Variants in TXNL4A observed in about 807,000 individuals in gnomAD.
TXNL4A encodes the protein thioredoxin like 4A, also known as thioredoxin-like protein 4A.
A neutral mutation model predicts 14.6 loss-of-function variants in TXNL4A; 17 were observed. The ratio of observed to expected loss-of-function variants is 1.16; its 90% confidence interval spans 0.80 to 1.74. TXNL4A has a LOEUF of 1.74. Among genes scored for constraint, TXNL4A ranks in the 40% most tolerant of loss-of-function variants. TXNL4A has a pLI of 0.00. For synonymous variants in TXNL4A, 83 were observed against 70.6 expected, an observed-to-expected ratio of 1.18 and a Z score of -0.88; for missense variants, 74 against 195.2, an observed-to-expected ratio of 0.38 and a Z score of 3.70.
intron 1 of TXNL4A, among the ~76,000 whole-genome samples, chr18:80,015,317 GTT>G (rs2051800161): frequency 6.6e-6 from 1 of 151,118 alleles, no homozygotes; most frequent in Non-Finnish European, 1.5e-5. Context: ...GAACTTTTAT[GTT>G]CTGTTTCCCT....
chr18:79,979,916 T>C (rs1000268736), intron 1 of TXNL4A, among the ~76,000 whole-genome samples: 1 of 152,202 alleles, frequency 6.6e-6, no homozygotes, highest in Non-Finnish European at 1.5e-5. Flanking sequence ...GCCACTTACA[T>C]GTGTTATGAG....
In TXNL4A at chr18:79,971,563, C is replaced by T. The variant is rs2051301938; in HGVS notation, c.*2122G>A. The T allele has an allele frequency of 6.6e-6, 1 of 152,254 alleles. No homozygotes were observed. The highest frequency in any genetic ancestry group is 6.5e-5 in the Admixed American group (1 of 15,274). The allele number at this position is 152,254 out of a possible 1,614,324, so 9.4% of individuals were successfully genotyped here. ...CAGGCTGGTCGTGAACTCCTGGGCT[C>T]AAGCAATCTGCCTGTCTCAGCCTTC... On this transcript the variant is annotated 3_prime_UTR_variant, in exon 3 of 3. Transcript: ENST00000269601.
At chr18:80,010,527 CAAAGG>C (rs1446216692) in intron 1 of TXNL4A, among the ~76,000 whole-genome samples, 4 of 152,084 alleles carry the variant, frequency 2.6e-5, no homozygotes, top group African/African-American at 7.2e-5. Context: ...ACAGTCCAAA[CAAAGG>C]AAAGGAGAGT....
chr18:80,003,077 C>T (rs965001751), intron 1 of TXNL4A, among the ~76,000 whole-genome samples: 2 of 152,260 alleles, frequency 1.3e-5, no homozygotes, highest in South Asian at 2.1e-4. Flanking sequence ...GTGTGTCTGT[C>T]CAGCTTCAGC....
intron 1 of TXNL4A, among the ~76,000 whole-genome samples, chr18:79,997,591 T>C (rs2051671543): frequency 6.6e-6 from 1 of 152,186 alleles, no homozygotes; most frequent in African/African-American, 2.4e-5. Flanking sequence ...AGCCGGTATT[T>C]GTTTACCTTT....
At chr18:79,990,141 G>A (rs1199604958), upstream of TXNL4A, among the ~76,000 whole-genome samples, 6 of 152,186 alleles carry the variant, frequency 3.9e-5, no homozygotes, top group Non-Finnish European at 8.8e-5. Flanking sequence ...AGCACCATAA[G>A]GTGCTTTGAT....
intron 1 of TXNL4A, among the ~76,000 whole-genome samples, chr18:79,987,033 G>A (rs568553095): frequency 1.3e-5 from 2 of 152,250 alleles, no homozygotes; most frequent in South Asian, 2.1e-4. Flanking sequence ...AAGAGGCTGC[G>A]AGATGGCTGG....
intron 1 of TXNL4A, among the ~76,000 whole-genome samples, chr18:80,021,201 G>A (rs1445726068): frequency 6.6e-6 from 1 of 150,998 alleles, no homozygotes; most frequent in Non-Finnish European, 1.5e-5. Context: ...TTTTGAGATG[G>A]AGTCTTGCTC....
At chr18:80,021,100 G>T (rs945950538) in intron 1 of TXNL4A, among the ~76,000 whole-genome samples, 9 of 152,036 alleles carry the variant, frequency 5.9e-5, no homozygotes, top group African/African-American at 1.5e-4. Flanking sequence ...TTTTGATAAT[G>T]CTTGCCCAAA....
At chr18:80,032,061 T>C (rs963087265) in intron 1 of TXNL4A, among the ~76,000 whole-genome samples, 6 of 152,276 alleles carry the variant, frequency 3.9e-5, no homozygotes, top group African/African-American at 1.4e-4. Context: ...TAATGTAGCC[T>C]GACCTAGCTT....
intron 1 of TXNL4A, among the ~76,000 whole-genome samples, chr18:80,013,111 GA>G (rs201882672): frequency 0.12 from 16,796 of 140,692 alleles, 1,764 homozygotes; most frequent in East Asian, 0.42. Context: ...ATTAAAAAAG[GA>G]AAAAAAAAAA....
At chr18:80,015,230 C>T (rs2051799292) in intron 1 of TXNL4A, among the ~76,000 whole-genome samples, 1 of 152,064 alleles carries the variant, frequency 6.6e-6, no homozygotes, top group African/African-American at 2.4e-5. Context: ...CAGATTTCTG[C>T]AGCCAGCTTG....
chr18:80,012,237 T>C (rs2051774855), intron 1 of TXNL4A, among the ~76,000 whole-genome samples: 1 of 152,240 alleles, frequency 6.6e-6, no homozygotes, highest in Non-Finnish European at 1.5e-5. Flanking sequence ...GTCCTATTCC[T>C]GGTTTTTCTA....
intron 1 of TXNL4A, among the ~76,000 whole-genome samples, chr18:80,012,392 C>T (rs974622941): frequency 4.6e-5 from 7 of 152,174 alleles, no homozygotes; most frequent in African/African-American, 1.4e-4. Context: ...TGTTACCTGA[C>T]AATGCTACCG....
At chr18:80,031,377 T>C (rs975537957) in intron 1 of TXNL4A, among the ~76,000 whole-genome samples, 1 of 152,234 alleles carries the variant, frequency 6.6e-6, no homozygotes, top group East Asian at 1.9e-4. Flanking sequence ...ATATTGGCTA[T>C]GTGGCACTAA....
intron 1 of TXNL4A, among the ~76,000 whole-genome samples, chr18:79,985,497 C>T (rs1287373371): frequency 6.6e-6 from 1 of 152,192 alleles, no homozygotes; most frequent in Non-Finnish European, 1.5e-5. Context: ...AAGGGAACCA[C>T]CCACCTCGGC....
intron 1 of TXNL4A, among the ~76,000 whole-genome samples, chr18:80,014,637 C>T (rs534746317): frequency 1.1e-4 from 17 of 152,284 alleles, no homozygotes; most frequent in Admixed American, 3.9e-4. Context: ...GTCTGCTACA[C>T]GCCATGTTTA....
intron 1 of TXNL4A, among the ~76,000 whole-genome samples, chr18:80,009,582 T>G (rs2051756537): frequency 6.6e-6 from 1 of 152,092 alleles, no homozygotes; most frequent in African/African-American, 2.4e-5. Flanking sequence ...AAGAAATAGT[T>G]TTAAGGCAGA....
chr18:79,989,211 G>T (rs8094677), upstream of TXNL4A, among the ~76,000 whole-genome samples: 119,244 of 151,932 alleles, frequency 0.78, 47,530 homozygotes, highest in East Asian at 0.91. Flanking sequence ...GCCTCCCGGG[G>T]TCAAGCGCTT....
Sources: allele counts gnomAD v4.1 joint callset (sites outside exome capture counted in the v4.1 genomes callset), GRCh38; gene constraint gnomAD v4.1.1; transcripts MANE v1.5; gene names NCBI Gene and HGNC (gene_info 2026-07-23, HGNC 2026-07-21).